DHX35: variants seen among roughly 807,000 people sequenced by gnomAD.
The protein encoded by DHX35 is DEAH-box helicase 35, also known as probable ATP-dependent RNA helicase DHX35.
DHX35 carries 84 observed loss-of-function variants against 99.6 expected under a neutral mutation model. That is an observed-to-expected ratio of 0.84 (90% confidence interval 0.71 to 1.01). The LOEUF (loss-of-function observed/expected upper bound fraction) is 1.01. Among genes scored for constraint, DHX35 ranks in the 50% least tolerant of loss-of-function variants. The probability of loss-of-function intolerance (pLI) is 0.00; values close to 1 mark genes in which losing one functional copy is unlikely to be tolerated. For missense variants in DHX35, 852 were observed against 888.5 expected, an observed-to-expected ratio of 0.96 and a Z score of 0.52; for synonymous variants, 331 against 316.2, an observed-to-expected ratio of 1.05 and a Z score of -0.50.
At chr20:39,016,343 A>G (rs973013369) in intron 14 of DHX35, among the ~76,000 whole-genome samples, 7 of 152,236 alleles carry the variant, frequency 4.6e-5, no homozygotes, top group Admixed American at 2.0e-4. Flanking sequence ...ATCTCCCAAC[A>G]CTGTCACGTT....
At chr20:39,003,714 C>A (rs778988702) in intron 10 of DHX35, 35 bp from the exon 11 acceptor site, 1 of 1,589,334 alleles carries the variant, frequency 6.3e-7, no homozygotes, top group Non-Finnish European at 8.6e-7. Flanking sequence ...TTAAATTGAT[C>A]TCGGTTTCTT....
At chr20:39,003,978 T>A in intron 11 of DHX35, 71 bp downstream of exon 11, 1 of 1,558,916 alleles carries the variant, frequency 6.4e-7, no homozygotes, top group Non-Finnish European at 8.8e-7. Context: ...TTACTTGTTT[T>A]GAAACTTGCT....
intron 4 of DHX35, 36 bp from the exon 5 acceptor site, chr20:38,988,777 A>C (rs371371893): frequency 5.6e-6 from 9 of 1,612,166 alleles, no homozygotes; most frequent in Non-Finnish European, 7.6e-6. Context: ...AGTAATTTCT[A>C]TGTCTCTATT....
In DHX35 at chr20:39,036,726, CAA is replaced by C. The variant is rs60032935; in HGVS notation, c.2068-1748_2068-1747del. On this transcript the variant is annotated intron_variant, in intron 21 of 21. Coordinates refer to ENST00000252011, the MANE Select transcript of DHX35 (RefSeq NM_021931.4). Reference sequence around the variant, plus strand: ...AGGCGACAGAGCAAGACTGTCCCCCCAAAAAAAAAAAAAAAAAAAAAAAAAAG... The same window carrying C: ...AGGCGACAGAGCAAGACTGTCCCCCCAAAAAAAAAAAAAAAAAAAAAAAAG... 2.2e-3 allele frequency among the ~76,000 whole-genome samples: 113 copies of C among 51,684 alleles called. 1 individual carries two copies. The highest frequency in any genetic ancestry group is 0.026 in the Middle Eastern group (2 of 78). 33.9% of individuals were successfully genotyped at this position (51,684 alleles called of 152,430 possible).
At chr20:39,014,776 T>A (rs1240213381) in intron 13 of DHX35, 104 bp from the exon 14 acceptor site, 8 of 1,344,740 alleles carry the variant, frequency 5.9e-6, no homozygotes, top group Non-Finnish European at 7.5e-6. Context: ...CTGGGAAGAA[T>A]GGGGCATGTT....
At chr20:39,030,517 T>G (rs1470195951) in intron 19 of DHX35, 187 bp from the exon 20 acceptor site, 1 of 581,882 alleles carries the variant, frequency 1.7e-6, no homozygotes, top group Non-Finnish European at 3.0e-6. Context: ...ACGTGATTTA[T>G]TCTTGACTTC....
chr20:39,021,079 G>A (rs1165886978), intron 15 of DHX35, among the ~76,000 whole-genome samples: 1 of 152,322 alleles, frequency 6.6e-6, no homozygotes, highest in East Asian at 1.9e-4. Context: ...AGTGGTGATT[G>A]CTGGTGACTG....
intron 3 of DHX35, among the ~76,000 whole-genome samples, chr20:38,981,516 C>T (rs528415726): frequency 2.0e-5 from 3 of 152,212 alleles, no homozygotes; most frequent in African/African-American, 7.2e-5. Flanking sequence ...CATTTTGGCT[C>T]CTGTTTTCTT....
chr20:39,015,016 T>C (rs3764703), intron 14 of DHX35, 82 bp downstream of exon 14: 480,579 of 1,503,238 alleles, frequency 0.32, 78,077 homozygotes, highest in East Asian at 0.41. Flanking sequence ...CTTTAGGGAT[T>C]TTAGTATCTT....
At chr20:38,990,435 AAAT>A (rs1324769437) in intron 5 of DHX35, among the ~76,000 whole-genome samples, 1 of 152,244 alleles carries the variant, frequency 6.6e-6, no homozygotes, top group Non-Finnish European at 1.5e-5. Flanking sequence ...CATTAATCTG[AAAT>A]AATATTAGCT....
chr20:39,001,971 G>A (rs1259787977), intron 9 of DHX35, 129 bp downstream of exon 9: 6 of 781,510 alleles, frequency 7.7e-6, no homozygotes, highest in East Asian at 2.4e-5. Context: ...CTAGTCATTG[G>A]TCTAGAATGT....
At chr20:39,016,522 AT>A (rs1208855696) in intron 14 of DHX35, among the ~76,000 whole-genome samples, 1 of 152,124 alleles carries the variant, frequency 6.6e-6, no homozygotes, top group Non-Finnish European at 1.5e-5. Context: ...TATACCACAT[AT>A]TTTTTATCCA....
At chr20:39,004,268 A>T (rs562429283) in intron 11 of DHX35, among the ~76,000 whole-genome samples, 138 of 151,960 alleles carry the variant, frequency 9.1e-4, no homozygotes, top group Admixed American at 2.3e-3. Flanking sequence ...GGTTTCACTA[A>T]GTTAGCCAGG....
intron 12 of DHX35, among the ~76,000 whole-genome samples, chr20:39,007,042 T>A (rs1402848967): frequency 2.0e-5 from 3 of 152,222 alleles, no homozygotes. Flanking sequence ...AGACTCAATT[T>A]CCAAGTCATT....
chr20:38,992,982 TA>T (rs1409330674), intron 7 of DHX35, among the ~76,000 whole-genome samples: 3 of 152,238 alleles, frequency 2.0e-5, no homozygotes, highest in Non-Finnish European at 4.4e-5. Flanking sequence ...GACCCCCATG[TA>T]CCCTTCATCT....
At chr20:38,980,439 T>A (rs1349016261) in intron 3 of DHX35, among the ~76,000 whole-genome samples, 2 of 152,170 alleles carry the variant, frequency 1.3e-5, no homozygotes, top group Middle Eastern at 3.4e-3. Context: ...TCAATGCATA[T>A]AAGGCACTCA....
intron 4 of DHX35, among the ~76,000 whole-genome samples, chr20:38,987,233 ACTTTCTTTT>A (rs1444559908): frequency 6.6e-6 from 1 of 151,682 alleles, no homozygotes; most frequent in Non-Finnish European, 1.5e-5. Flanking sequence ...TGAATACTAA[ACTTTCTTTT>A]CTTTCTTTTT....
intron 1 of DHX35, among the ~76,000 whole-genome samples, chr20:38,967,592 A>T (rs1175682633): frequency 6.6e-6 from 1 of 152,156 alleles, no homozygotes; most frequent in African/African-American, 2.4e-5. Context: ...ATTTAAAGTT[A>T]TGTTTCTCCT....
chr20:39,010,524 G>T, intron 13 of DHX35, 120 bp downstream of exon 13: 1 of 1,399,218 alleles, frequency 7.1e-7, no homozygotes, highest in Non-Finnish European at 9.6e-7. Flanking sequence ...CATGTGTTGT[G>T]TGTCTGCTTT....
Sources: allele counts gnomAD v4.1 joint callset (sites outside exome capture counted in the v4.1 genomes callset), GRCh38; gene constraint gnomAD v4.1.1; transcripts MANE v1.5; gene names NCBI Gene and HGNC (gene_info 2026-07-23, HGNC 2026-07-21).